Variants in JAKMIP3 observed in about 807,000 individuals in gnomAD.
JAKMIP3 encodes the protein Janus kinase and microtubule interacting protein 3, also known as janus kinase and microtubule-interacting protein 3.
JAKMIP3 carries 58 observed loss-of-function variants against 118.5 expected under a neutral mutation model. The ratio of observed to expected loss-of-function variants is 0.49; its 90% CI spans 0.40 to 0.61. The LOEUF (loss-of-function observed/expected upper bound fraction) is 0.61, where lower values mean the gene tolerates loss of function less well. Among genes scored for constraint, JAKMIP3 ranks in the 20% least tolerant of loss-of-function variants. The pLI is 0.00. For synonymous variants in JAKMIP3, 486 were observed against 451.2 expected, an observed-to-expected ratio of 1.08 and a Z score of -0.98; for missense variants, 950 against 1,109.0, an observed-to-expected ratio of 0.86 and a Z score of 2.04.
intron 1 of JAKMIP3, among the ~76,000 whole-genome samples, chr10:132,047,458 A>G (rs2037950992): frequency 6.6e-6 from 1 of 152,198 alleles, no homozygotes; most frequent in Non-Finnish European, 1.5e-5. Flanking sequence ...CATTAAAAGG[A>G]CCTGCATACT....
intron 1 of JAKMIP3, among the ~76,000 whole-genome samples, chr10:132,097,101 G>A (rs555603692): frequency 4.2e-4 from 64 of 152,362 alleles, no homozygotes; most frequent in African/African-American, 1.3e-3. Flanking sequence ...GAACGGCAAC[G>A]TTAGAAATGG....
chr10:132,180,656 T>TGTGTGCGTGTGTGC (rs1554963087), intron 23 of JAKMIP3, among the ~76,000 whole-genome samples: 3 of 16,338 alleles, frequency 1.8e-4, no homozygotes, highest in African/African-American at 2.5e-4. Flanking sequence ...CGTGTGCGTG[T>TGTGTGCGTGTGTGC]GCGTGTGTGC....
In JAKMIP3 at chr10:132,180,590, T is replaced by TGC. The variant is rs1428695262; in HGVS notation, c.*1104-1766_*1104-1765insCG. 9.3e-3 allele frequency among the ~76,000 whole-genome samples: 202 copies of TGC among 21,650 alleles called. 24 individuals carry two copies. Among genetic ancestry groups the TGC allele is most frequent in the East Asian group, 0.023 (26 of 1,118 alleles). The allele number at this position is 21,650 out of a possible 152,430, so 14.2% of individuals were successfully genotyped here. On this transcript the variant is annotated intron_variant, in intron 23 of 23. Coordinates refer to ENST00000684848, the MANE Select transcript of JAKMIP3 (RefSeq NM_001323087.2). ...GTGCGTGTGTGTGTGCGTGCGCGTG[T>TGC]GTGTGTGCGTGCGCGTGTGTGTGTG... is the stretch of plus-strand genomic sequence containing the variant.
chr10:132,068,568 C>T (rs1335359315), intron 1 of JAKMIP3, among the ~76,000 whole-genome samples: 9 of 152,200 alleles, frequency 5.9e-5, no homozygotes, highest in African/African-American at 2.2e-4. Context: ...CCAAGCTGGG[C>T]TTTGAGCGAT....
At chr10:132,056,046 G>A (rs60175837) in intron 1 of JAKMIP3, among the ~76,000 whole-genome samples, 5,528 of 152,258 alleles carry the variant, frequency 0.036, 289 homozygotes, top group East Asian at 0.24. Context: ...CGCCGCCCTT[G>A]CCCATCCATT....
At chr10:132,165,157 C>T (rs2136635037) in intron 21 of JAKMIP3, among the ~76,000 whole-genome samples, 1 of 152,330 alleles carries the variant, frequency 6.6e-6, no homozygotes, top group African/African-American at 2.4e-5. Context: ...GGATCAGAAG[C>T]ACCCGTTGAC....
At chr10:132,120,059 CAA>C (rs2048298438) in intron 3 of JAKMIP3, among the ~76,000 whole-genome samples, 1 of 152,214 alleles carries the variant, frequency 6.6e-6, no homozygotes, top group Admixed American at 6.5e-5. Context: ...TAGTCAGAGA[CAA>C]AGGCACAGGC....
intron 16 of JAKMIP3, 43 bp from the exon 17 acceptor site, chr10:132,152,915 G>C (rs947995410): frequency 6.6e-7 from 1 of 1,506,686 alleles, no homozygotes; most frequent in African/African-American, 1.4e-5. Context: ...CACCCCCAAA[G>C]GCACTGCTTC....
In JAKMIP3 at chr10:132,180,780, T is replaced by C. The variant is rs1480544239; in HGVS notation, c.*1104-1577T>C. Among the ~76,000 whole-genome samples, 132 of 60,906 alleles carry C rather than the reference T, an allele frequency of 2.2e-3. 44 individuals carry two copies. Among genetic ancestry groups the C allele is most frequent in the Middle Eastern group, 8.1e-3 (1 of 124 alleles). 40.0% of individuals were successfully genotyped at this position (60,906 alleles called of 152,430 possible). Reference sequence around the variant, plus strand: ...GTGTGCGTGTGTGTGCGTGTGTGTGTGTGCGCGTATGCATGTGCTGTGAGT... The same window carrying C: ...GTGTGCGTGTGTGTGCGTGTGTGTGCGTGCGCGTATGCATGTGCTGTGAGT... On this transcript the variant is annotated intron_variant, in intron 23 of 23. Transcript: ENST00000684848.
At chr10:132,158,689 C>A (rs1405927438) in intron 19 of JAKMIP3, among the ~76,000 whole-genome samples, 1 of 137,660 alleles carries the variant, frequency 7.3e-6, no homozygotes, top group Non-Finnish European at 1.6e-5. Flanking sequence ...GTGGGAGGGG[C>A]ATCTTCCTGT....
chr10:132,174,448 G>GCTTGGTGGGCTCAATGGC (rs2059964346), intron 23 of JAKMIP3, among the ~76,000 whole-genome samples: 1 of 152,076 alleles, frequency 6.6e-6, no homozygotes, highest in Non-Finnish European at 1.5e-5. Flanking sequence ...GGCTCTGTGG[G>GCTTGGTGGGCTCAATGGC]CTCCGTGGGT....
intron 16 of JAKMIP3, among the ~76,000 whole-genome samples, chr10:132,151,220 T>G (rs1221656509): frequency 6.6e-6 from 1 of 152,004 alleles, no homozygotes; most frequent in Non-Finnish European, 1.5e-5. Context: ...ATTCATTCAT[T>G]CATCCATCCT....
intron 22 of JAKMIP3, 71 bp from the exon 23 acceptor site, chr10:132,167,882 T>TCGCCCCA: frequency 1.9e-6 from 2 of 1,075,378 alleles, no homozygotes; most frequent in Non-Finnish European, 2.4e-6. Context: ...CCCTCGCCCC[T>TCGCCCCA]CGGCCCTCGC....
At chr10:132,076,683 C>G (rs1252359731) in intron 1 of JAKMIP3, among the ~76,000 whole-genome samples, 1 of 150,390 alleles carries the variant, frequency 6.6e-6, no homozygotes, top group Non-Finnish European at 1.5e-5. Flanking sequence ...GGCATGAGGA[C>G]TGGCCTGCGG....
chr10:132,071,181 G>GTA (rs1452995390), intron 1 of JAKMIP3, among the ~76,000 whole-genome samples: 3 of 139,084 alleles, frequency 2.2e-5, no homozygotes, highest in South Asian at 4.5e-4. Flanking sequence ...GTGTGTGTGT[G>GTA]TGTGTGTGTG....
At position 132,117,145 on chromosome 10, in the gene JAKMIP3, C is replaced by T. The variant is rs557088199; in HGVS notation, c.204C>T (p.Thr68=). ...TGCGCGAGCATGAGCAGCATAAGAC[C>T]GCGGTCTTGCTCACGGAGCTCAAGA... The part of the protein sequence containing the change: ...RQVREHEQHK[T]AVLLTELKTK... The change falls in exon 3 of 24, where the codon ACC becomes ACT. Residue 68 remains threonine (T), a synonymous_variant. Coordinates refer to ENST00000684848, the MANE Select transcript of JAKMIP3 (RefSeq NM_001323087.2). This position sits in a 1 kb window ranked among gnomAD's most constrained non-coding sequence, Gnocchi z 8.6. The T allele has an allele frequency of 3.0e-4, 485 of 1,613,742 alleles. 1 individual carries two copies. In the South Asian group the frequency reaches 3.2e-3, roughly 11 times the overall value.
intron 1 of JAKMIP3, among the ~76,000 whole-genome samples, chr10:132,079,363 T>TC (rs573441352): frequency 2.1e-4 from 32 of 152,282 alleles, no homozygotes; most frequent in African/African-American, 7.7e-4. Context: ...CTGGGTCTCA[T>TC]CTCTTGTACT....
intron 1 of JAKMIP3, among the ~76,000 whole-genome samples, chr10:132,046,059 A>T (rs554107699): frequency 6.6e-6 from 1 of 152,302 alleles, no homozygotes; most frequent in South Asian, 2.1e-4. Context: ...CACCCGGCAG[A>T]TATTACAGAA....
Position 132,167,989 on chromosome 10 carries a change from C to T in JAKMIP3, c.*59C>T, listed in dbSNP as rs1226715257. On this transcript the variant is annotated 3_prime_UTR_variant, in exon 23 of 24. Coordinates refer to ENST00000684848, the MANE Select transcript of JAKMIP3 (RefSeq NM_001323087.2). Reference sequence around the variant, plus strand: ...ATCGGACCCTTTTCCTCCAGTGGGACCAGAAAGCAGGGACAAAATGGGACG... The same window carrying T: ...ATCGGACCCTTTTCCTCCAGTGGGATCAGAAAGCAGGGACAAAATGGGACG... The T allele has an allele frequency of 1.6e-6, 2 of 1,289,584 alleles. No homozygotes were observed. Among genetic ancestry groups the T allele is most frequent in the Non-Finnish European group, 2.0e-6 (2 of 988,852 alleles). 79.9% of individuals were successfully genotyped at this position (1,289,584 alleles called of 1,614,324 possible). A position where few individuals can be genotyped will look rare whatever the true frequency, so the allele number is the denominator to read the frequency against.
Sources: gnomAD v4.1 joint callset for allele counts (sites outside exome capture counted in the v4.1 genomes callset) on GRCh38, gnomAD v4.1.1 for gene constraint, Gnocchi (gnomAD v3.1) non-coding constraint, MANE v1.5 for transcripts, NCBI Gene and HGNC (gene_info 2026-07-23, HGNC 2026-07-21) for gene names.